FRMPD4: variants seen among roughly 807,000 people sequenced by gnomAD.
The protein encoded by FRMPD4 is FERM and PDZ domain-containing protein 4.
In FRMPD4, 22 loss-of-function variants were observed where a neutral mutation model predicts 94.1. That is an observed-to-expected ratio of 0.23 (90% confidence interval 0.17 to 0.33). The LOEUF (loss-of-function observed/expected upper bound fraction) is 0.33. Among genes scored for constraint, FRMPD4 ranks in the 10% least tolerant of loss-of-function variants. The probability of loss-of-function intolerance (pLI) is 1.00; values close to 1 mark genes in which losing one functional copy is unlikely to be tolerated. For synonymous variants in FRMPD4, 631 were observed against 548.6 expected (o/e 1.15, Z -2.10); for missense variants, 1,111 against 1,339.9 (o/e 0.83, Z 2.67).
At chrX:12,472,661 C>T (rs965582823) in intron 1 of FRMPD4, among the ~76,000 whole-genome samples, 6 of 111,790 alleles carry the variant, frequency 5.4e-5, no homozygotes, top group East Asian at 2.8e-4. Flanking sequence ...GACTACGTGA[C>T]GAATGCACAA....
At chrX:12,476,253 C>A (rs752734590) in intron 1 of FRMPD4, among the ~76,000 whole-genome samples, 5 of 111,930 alleles carry the variant, frequency 4.5e-5, no homozygotes, top group African/African-American at 1.6e-4. Flanking sequence ...GGAAAACTGG[C>A]TGGCCATATG....
chrX:12,608,259 C>G (rs1271871283), intron 2 of FRMPD4, among the ~76,000 whole-genome samples: 1 of 112,889 alleles, frequency 8.9e-6, no homozygotes, highest in Non-Finnish European at 1.9e-5. Context: ...GCATACCAGC[C>G]ATGGGCCCTT....
At chrX:12,209,374 G>C (rs1196609910) in intron 1 of FRMPD4, among the ~76,000 whole-genome samples, 1 of 112,182 alleles carries the variant, frequency 8.9e-6, no homozygotes, top group African/African-American at 3.2e-5. Flanking sequence ...ACCAGTATAT[G>C]TACTATCTTT....
At chrX:11,827,381 T>C (rs1328057468) in intron 1 of FRMPD4, among the ~76,000 whole-genome samples, 1 of 109,505 alleles carries the variant, frequency 9.1e-6, no homozygotes, top group African/African-American at 3.3e-5. Context: ...TTGCTTTAGT[T>C]TGAATGGGTG....
intron 2 of FRMPD4, among the ~76,000 whole-genome samples, chrX:12,559,725 A>C (rs2058633453): frequency 9.0e-6 from 1 of 111,325 alleles, no homozygotes; most frequent in African/African-American, 3.2e-5. Context: ...AACATAATAA[A>C]ATATTTTTAT....
intron 4 of FRMPD4, among the ~76,000 whole-genome samples, chrX:12,674,005 ACAACC>A (rs1337521198): frequency 8.9e-6 from 1 of 112,284 alleles, no homozygotes; most frequent in African/African-American, 3.2e-5. Flanking sequence ...GTAATTAATT[ACAACC>A]TAAAGTAGAA....
Position 12,227,920 on chromosome X carries a change from T to C in FRMPD4, c.41+88908T>C, listed in dbSNP as rs1486034535. On this transcript the variant is annotated intron_variant, in intron 1 of 16. Transcript: ENST00000675598. ...GAGTGTAGGGGTGTGTATGTGTGTG[T>C]GTGTGTACATGGAAATTTGGTAAGA... Among the ~76,000 whole-genome samples the C allele has an allele frequency of 3.6e-5, 4 of 111,498 alleles. No individual in the cohort carries two copies. The Admixed American group carries it at 3.8e-4, about 11-fold the overall frequency.
rs868054643 is a variant in FRMPD4 at position 12,332,061 on chromosome X, A to T, written c.42-166619A>T. On this transcript the variant is annotated intron_variant, in intron 1 of 16. Transcript: ENST00000675598. Reference sequence around the variant, plus strand: ...ATATACTATATATAAATTATATGTAATATATAATTTATATTATATATAATT... The same window carrying T: ...ATATACTATATATAAATTATATGTATTATATAATTTATATTATATATAATT... Among the ~76,000 whole-genome samples the T allele has an allele frequency of 1.3e-3, 96 of 72,221 alleles. 18 individuals are homozygous for T. The highest frequency in any genetic ancestry group is 5.4e-3 in the African/African-American group (89 of 16,582). The allele number at this position is 72,221 out of a possible 115,157, so 62.7% of individuals were successfully genotyped here.
At chrX:12,029,759 A>G (rs2054681122) in intron 3 of FRMPD4, among the ~76,000 whole-genome samples, 1 of 111,726 alleles carries the variant, frequency 9.0e-6, no homozygotes, top group Admixed American at 9.5e-5. Context: ...GATTAAATTA[A>G]TGTCAACTAA....
intron 1 of FRMPD4, among the ~76,000 whole-genome samples, chrX:12,453,093 T>A (rs989447705): frequency 8.9e-6 from 1 of 112,460 alleles, no homozygotes; most frequent in African/African-American, 3.2e-5. Flanking sequence ...GCAAGTAGTA[T>A]AGAAGCACTG....
At chrX:12,170,220 A>G (rs1327784250) in intron 1 of FRMPD4, among the ~76,000 whole-genome samples, 1 of 105,130 alleles carries the variant, frequency 9.5e-6, no homozygotes, top group Non-Finnish European at 1.9e-5. Context: ...AAGGTCTCCT[A>G]TTCTTTCTTC....
intron 2 of FRMPD4, among the ~76,000 whole-genome samples, chrX:12,516,269 T>C (rs1330225137): frequency 8.9e-6 from 1 of 111,972 alleles, no homozygotes; most frequent in Non-Finnish European, 1.9e-5. Flanking sequence ...TTTGCAGACT[T>C]GTTGATGTAG....
At chrX:12,026,993 T>C (rs2054664983) in intron 3 of FRMPD4, among the ~76,000 whole-genome samples, 3 of 111,966 alleles carry the variant, frequency 2.7e-5, no homozygotes, top group Admixed American at 1.9e-4. Flanking sequence ...CCATATAGTA[T>C]AGGAATTTGC....
At chrX:12,520,223 TACA>T (rs964152837) in intron 2 of FRMPD4, among the ~76,000 whole-genome samples, 18 of 111,980 alleles carry the variant, frequency 1.6e-4, no homozygotes, top group African/African-American at 5.5e-4. Flanking sequence ...TGTTATATGC[TACA>T]ACAAGGATGA....
chrX:11,956,484 T>C (rs1215206514), intron 3 of FRMPD4, among the ~76,000 whole-genome samples: 1 of 112,175 alleles, frequency 8.9e-6, no homozygotes, highest in Non-Finnish European at 1.9e-5. Flanking sequence ...TAGCAGGAGC[T>C]CACTTTATTG....
At chrX:12,168,379 A>C (rs1486075517) in intron 1 of FRMPD4, among the ~76,000 whole-genome samples, 1 of 109,766 alleles carries the variant, frequency 9.1e-6, no homozygotes, top group African/African-American at 3.3e-5. Context: ...AAAAAAAAAA[A>C]AAACAACTCT....
At chrX:12,633,404 G>A (rs1185747075) in intron 4 of FRMPD4, among the ~76,000 whole-genome samples, 1 of 111,318 alleles carries the variant, frequency 9.0e-6, no homozygotes, top group African/African-American at 3.3e-5. Flanking sequence ...GACAATGTGT[G>A]GGCCAGTCTT....
At chrX:12,609,615 T>A in intron 2 of FRMPD4, 106 bp from the exon 3 acceptor site, 3 of 695,596 alleles carry the variant, frequency 4.3e-6, no homozygotes, top group Non-Finnish European at 6.6e-6. Flanking sequence ...TCTTTCTCAC[T>A]CTCTACCAAA....
At chrX:11,848,258 G>T (rs2053594279) in intron 1 of FRMPD4, among the ~76,000 whole-genome samples, 2 of 110,524 alleles carry the variant, frequency 1.8e-5, no homozygotes, top group Admixed American at 1.9e-4. Flanking sequence ...TTGTGGAATT[G>T]CCCTACCTAA....
Sources: gnomAD v4.1 joint callset for allele counts (sites outside exome capture counted in the v4.1 genomes callset) on GRCh38, gnomAD v4.1.1 for gene constraint, MANE v1.5 for transcripts, NCBI Gene and HGNC (gene_info 2026-07-23, HGNC 2026-07-21) for gene names.